Variants in SH2D4B observed in about 807,000 individuals in gnomAD.
SH2D4B encodes SH2 domain-containing protein 4B.
A neutral mutation model predicts 61.5 loss-of-function variants in SH2D4B; 45 were observed. The observed-to-expected ratio is 0.73, with a 90% CI of 0.58 to 0.94. The LOEUF (loss-of-function observed/expected upper bound fraction) is 0.94. Among genes scored for constraint, SH2D4B ranks in the 40% least tolerant of loss-of-function variants. The pLI is 0.00. For missense variants in SH2D4B, 572 were observed against 574.2 expected (o/e 1.00, Z 0.04); for synonymous variants, 224 against 220.4 (o/e 1.02, Z -0.14).
chr10:80,629,498 G>A (rs1339020789), intron 6 of SH2D4B, among the ~76,000 whole-genome samples: 5 of 152,130 alleles, frequency 3.3e-5, no homozygotes, highest in African/African-American at 4.8e-5. Context: ...CCCAGAAATG[G>A]CCCAGCTAAG....
chr10:80,616,508 G>T (rs1197806470), intron 6 of SH2D4B, among the ~76,000 whole-genome samples: 2 of 152,180 alleles, frequency 1.3e-5, no homozygotes, highest in African/African-American at 2.4e-5. Flanking sequence ...AGCGTAGGTT[G>T]TAATGGTGTT....
chr10:80,562,185 G>C (rs1841909583), intron 1 of SH2D4B, among the ~76,000 whole-genome samples: 1 of 151,886 alleles, frequency 6.6e-6, no homozygotes, highest in African/African-American at 2.4e-5. Flanking sequence ...TCTGTGCCTG[G>C]CTCATTTCAC....
intron 1 of SH2D4B, among the ~76,000 whole-genome samples, chr10:80,555,167 T>A (rs1841814925): frequency 6.6e-6 from 1 of 152,168 alleles, no homozygotes; most frequent in Non-Finnish European, 1.5e-5. Flanking sequence ...GTGCTTCCGC[T>A]ATGAGAGATG....
rs117093093 is a variant in SH2D4B at position 80,583,142 on chromosome 10, C to T, written c.496-5488C>T. On this transcript the variant is annotated intron_variant, in intron 3 of 7. Transcript: ENST00000646907. ...ATCAAACGAACTTAAACCATACTCGCACACAGAGGAAACAGACCTAAATCA... is the reference window on the plus strand; with the variant it reads ...ATCAAACGAACTTAAACCATACTCGTACACAGAGGAAACAGACCTAAATCA... Among the ~76,000 whole-genome samples the T allele has an allele frequency of 4.2e-4, 64 of 152,268 alleles. No homozygotes were observed. In the East Asian group the frequency reaches 0.01, roughly 24 times the overall value.
chr10:80,612,877 A>G (rs1842617909), intron 6 of SH2D4B, among the ~76,000 whole-genome samples: 2 of 152,224 alleles, frequency 1.3e-5, no homozygotes, highest in South Asian at 4.1e-4. Context: ...ATCTGAAGAT[A>G]TGGGGTCCAT....
At chr10:80,566,907 T>A (rs775108035) in intron 1 of SH2D4B, among the ~76,000 whole-genome samples, 21 of 152,214 alleles carry the variant, frequency 1.4e-4, no homozygotes, top group Admixed American at 2.6e-4. Flanking sequence ...GTTTCTTTAC[T>A]ATATATTGCT....
Position 80,539,473 on chromosome 10 carries a change from C to T in SH2D4B, c.184+958C>T, listed in dbSNP as rs1841549597. On this transcript the variant is annotated intron_variant, in intron 1 of 7. Coordinates refer to ENST00000646907, the MANE Select transcript of SH2D4B (RefSeq NM_001388272.1). The surrounding 1 kb of genome is among the most constrained non-coding windows in gnomAD (Gnocchi z 4.9). Reference sequence around the variant, plus strand: ...TCCCCACCAGGTGCCACAGGCCACACCCACATCATCTGGACATGCTTGCTC... The same window carrying T: ...TCCCCACCAGGTGCCACAGGCCACATCCACATCATCTGGACATGCTTGCTC... 6.6e-6 allele frequency among the ~76,000 whole-genome samples: 1 copy of T among 152,250 alleles called. No homozygotes were observed. Among genetic ancestry groups the T allele is most frequent in the South Asian group, 2.1e-4 (1 of 4,832 alleles).
chr10:80,575,339 G>A (rs1489411753), intron 3 of SH2D4B, among the ~76,000 whole-genome samples: 7 of 151,988 alleles, frequency 4.6e-5, no homozygotes, highest in Admixed American at 4.6e-4. Context: ...TAACCCAGGG[G>A]CTGGCAAACT....
At chr10:80,577,058 C>A (rs188886066) in intron 3 of SH2D4B, among the ~76,000 whole-genome samples, 1 of 152,218 alleles carries the variant, frequency 6.6e-6, no homozygotes, top group African/African-American at 2.4e-5. Flanking sequence ...TGAGCCACTG[C>A]GCCTGGACTG....
Position 80,562,062 on chromosome 10 carries a change from C to CACACACACAT in SH2D4B, c.185-8091_185-8090insCACACACATA, listed in dbSNP as rs35404674. ...ACACACACACACACACACACACACA[C>CACACACACAT]ATATATAAAAATTCCAAAATCTCCT... On this transcript the variant is annotated intron_variant, in intron 1 of 7. Transcript: ENST00000646907. Among the ~76,000 whole-genome samples, 187 of 144,600 alleles carry CACACACACAT rather than the reference C, an allele frequency of 1.3e-3. No individual in the cohort carries two copies. The Middle Eastern group carries it at 0.014, about 11-fold the overall frequency. The allele number at this position is 144,600 out of a possible 152,430, so 94.9% of individuals were successfully genotyped here. A position where few individuals can be genotyped will look rare whatever the true frequency, so the allele number is the denominator to read the frequency against.
chr10:80,607,163 T>A (rs374391785), intron 5 of SH2D4B: 1 of 152,172 alleles, frequency 6.6e-6, no homozygotes, highest in Non-Finnish European at 1.5e-5. Context: ...ATCGACTGCT[T>A]AGAAACAGAG....
chr10:80,588,849 T>G, intron 4 of SH2D4B, 72 bp downstream of exon 4: 2 of 1,564,868 alleles, frequency 1.3e-6, no homozygotes, highest in Admixed American at 3.5e-5. Context: ...AATGCTGATG[T>G]ACTCATTCGT....
intron 3 of SH2D4B, among the ~76,000 whole-genome samples, chr10:80,586,945 C>T (rs1373594616): frequency 9.9e-5 from 15 of 151,896 alleles, no homozygotes; most frequent in South Asian, 8.3e-4. Context: ...CGCGGAGGTC[C>T]GCAGCTTCAC....
rs2132171696 is a variant in SH2D4B, at chr10:80,646,141, A to C, written c.*2056A>C. The C allele has an allele frequency of 6.5e-6, 1 of 152,734 alleles. No individual in the cohort carries two copies. The highest frequency in any genetic ancestry group is 1.9e-4 in the East Asian group (1 of 5,188). 9.5% of individuals were successfully genotyped at this position (152,734 alleles called of 1,614,324 possible). A position where few individuals can be genotyped will look rare whatever the true frequency, so the allele number is the denominator to read the frequency against. On this transcript the variant is annotated 3_prime_UTR_variant, in exon 8 of 8. Coordinates refer to ENST00000646907, the MANE Select transcript of SH2D4B (RefSeq NM_001388272.1). ...AACATGAAAGCTCTGTCCAAATGAA[A>C]AAGGTATTTCTAACAACAACCACAA...
At position 80,588,632 on chromosome 10, in the gene SH2D4B, G is replaced by A. The variant is rs771191017; in HGVS notation, c.498G>A (p.Arg166=). ...LEERIHEEFK[R]KEEEERKRGE... ...GTTCTGTTCCCATGACATTTTAGAGGAAAGAGGAAGAGGAGAGGAAGCGAG... is the reference window on the plus strand; with the variant it reads ...GTTCTGTTCCCATGACATTTTAGAGAAAAGAGGAAGAGGAGAGGAAGCGAG... Residue 166 remains arginine (R), a splice_region_variant and synonymous_variant, in exon 4 of 8, where the codon AGG becomes AGA. Transcript: ENST00000646907. 1.2e-6 allele frequency: 2 copies of A among 1,613,750 alleles called. No individual in the cohort carries two copies. Among genetic ancestry groups the A allele is most frequent in the South Asian group, 2.2e-5 (2 of 91,062 alleles).
chr10:80,597,920 G>A (rs1842403234), intron 4 of SH2D4B, among the ~76,000 whole-genome samples: 1 of 152,120 alleles, frequency 6.6e-6, no homozygotes, highest in Non-Finnish European at 1.5e-5. Context: ...TGAAAAATGA[G>A]GCTTGAAAGA....
intron 1 of SH2D4B, among the ~76,000 whole-genome samples, chr10:80,547,114 A>C (rs1423851191): frequency 1.3e-5 from 2 of 152,166 alleles, no homozygotes; most frequent in African/African-American, 4.8e-5. Flanking sequence ...GTCTGGTTTC[A>C]TTGCTCCCTG....
rs1564533967 is a variant in SH2D4B, at chr10:80,644,647, G to C, written c.*562G>C. Reference sequence around the variant, plus strand: ...TATCACCCTCATTGATATTATCATTGGAATTATCTAAGGTGAGCCCCAGTT... The same window carrying C: ...TATCACCCTCATTGATATTATCATTCGAATTATCTAAGGTGAGCCCCAGTT... On this transcript the variant is annotated 3_prime_UTR_variant, in exon 8 of 8. Transcript: ENST00000646907. 1 of 152,126 alleles carries C rather than the reference G, an allele frequency of 6.6e-6. No individual in the cohort carries two copies. Among genetic ancestry groups the C allele is most frequent in the Non-Finnish European group, 1.5e-5 (1 of 68,040 alleles). 9.4% of individuals were successfully genotyped at this position (152,126 alleles called of 1,614,324 possible).
chr10:80,634,579 A>G (rs1005930992), intron 7 of SH2D4B, 74 bp downstream of exon 7: 27 of 1,517,300 alleles, frequency 1.8e-5, no homozygotes, highest in Middle Eastern at 2.3e-4. Context: ...GAGCTAGAGC[A>G]AGAGAAGCAA....
Sources: gnomAD v4.1 joint callset for allele counts (sites outside exome capture counted in the v4.1 genomes callset) on GRCh38, gnomAD v4.1.1 for gene constraint, Gnocchi (gnomAD v3.1) non-coding constraint, MANE v1.5 for transcripts, NCBI Gene and HGNC (gene_info 2026-07-23, HGNC 2026-07-21) for gene names.